Variants in THUMPD2 observed in about 807,000 individuals in gnomAD.
The protein encoded by THUMPD2 is THUMP domain 2 tRNA and snRNA guanosine methyltransferase.
A neutral mutation model predicts 49.4 loss-of-function variants in THUMPD2; 56 were observed. The observed-to-expected ratio is 1.13, with a 90% CI of 0.91 to 1.41. The LOEUF (loss-of-function observed/expected upper bound fraction) is 1.41, where lower values mean the gene tolerates loss of function less well. THUMPD2 is among the 40% of genes most tolerant of loss of function. The pLI, the probability that THUMPD2 is intolerant of heterozygous loss-of-function variation, is 0.00. For synonymous variants in THUMPD2, 237 were observed against 205.2 expected, an observed-to-expected ratio of 1.15 and a Z score of -1.32; for missense variants, 709 against 594.5, an observed-to-expected ratio of 1.19 and a Z score of -2.00.
At chr2:39,770,200 C>T in intron 2 of THUMPD2, 81 bp from the exon 3 acceptor site, 1 of 953,480 alleles carries the variant, frequency 1.0e-6, no homozygotes, top group Non-Finnish European at 1.4e-6. Context: ...AACTCAATTA[C>T]CTTTATTTCC....
At chr2:39,777,002 A>C (rs1679196156) in intron 1 of THUMPD2, among the ~76,000 whole-genome samples, 1 of 152,222 alleles carries the variant, frequency 6.6e-6, no homozygotes, top group Non-Finnish European at 1.5e-5. Flanking sequence ...TTCTTGAATT[A>C]ATCTGTTTTG....
At chr2:39,777,713 G>A (rs1236483968) in intron 1 of THUMPD2, among the ~76,000 whole-genome samples, 1 of 152,128 alleles carries the variant, frequency 6.6e-6, no homozygotes, top group Non-Finnish European at 1.5e-5. Context: ...ACATACAAGA[G>A]CAGAATATGG....
intron 6 of THUMPD2, among the ~76,000 whole-genome samples, chr2:39,757,940 A>G (rs1676352062): frequency 6.6e-6 from 1 of 152,200 alleles, no homozygotes; most frequent in African/African-American, 2.4e-5. Flanking sequence ...GGTCACTACC[A>G]CATTCCCTCC....
intron 1 of THUMPD2, among the ~76,000 whole-genome samples, chr2:39,776,360 C>T (rs1679091463): frequency 6.6e-6 from 1 of 151,080 alleles, no homozygotes; most frequent in Non-Finnish European, 1.5e-5. Context: ...GATAGAGGAA[C>T]ATGTTAAACT....
chr2:39,773,239 T>C (rs967849588), intron 1 of THUMPD2, among the ~76,000 whole-genome samples: 5 of 152,144 alleles, frequency 3.3e-5, no homozygotes, highest in Admixed American at 2.6e-4. Context: ...TCAGATTTTG[T>C]TACCTGACAT....
chr2:39,755,818 A>G, intron 7 of THUMPD2, 71 bp downstream of exon 7: 1 of 1,248,002 alleles, frequency 8.0e-7, no homozygotes, highest in South Asian at 1.3e-5. Context: ...ACTTGTAAAT[A>G]ATTGGTGATT....
At chr2:39,761,876 T>A (rs1416775671) in intron 5 of THUMPD2, among the ~76,000 whole-genome samples, 1 of 152,132 alleles carries the variant, frequency 6.6e-6, no homozygotes, top group Non-Finnish European at 1.5e-5. Context: ...TAGGTTTGTT[T>A]TTTGGTTATT....
At position 39,754,343 on chromosome 2, in the gene THUMPD2, C is replaced by A. The variant is rs76912254; in HGVS notation, c.1078+952G>T. Among the ~76,000 whole-genome samples, 683 of 152,302 alleles carry A rather than the reference C, an allele frequency of 4.5e-3. 6 individuals carry two copies. Among genetic ancestry groups the A allele is most frequent in the African/African-American group, 0.016 (650 of 41,570 alleles). On this transcript the variant is annotated intron_variant, in intron 8 of 9. Transcript: ENST00000505747. Reference sequence around the variant, plus strand: ...AAAAATAAAAGTCACTGGCAGCAAACAACTATGAGATCTCAATCAACAAGA... The same window carrying A: ...AAAAATAAAAGTCACTGGCAGCAAAAAACTATGAGATCTCAATCAACAAGA...
chr2:39,764,345 G>A (rs1677227627), intron 5 of THUMPD2, among the ~76,000 whole-genome samples: 1 of 152,188 alleles, frequency 6.6e-6, no homozygotes, highest in Admixed American at 6.5e-5. Context: ...TTATAGCAGA[G>A]AAATATGATA....
upstream of THUMPD2, chr2:39,779,275 G>T: frequency 6.9e-7 from 1 of 1,445,060 alleles, no homozygotes; most frequent in Non-Finnish European, 9.0e-7. Context: ...TTCGGGTCAC[G>T]TGGCCTCGGG....
intron 8 of THUMPD2, 41 bp downstream of exon 8, chr2:39,755,254 T>G: frequency 7.9e-7 from 1 of 1,265,270 alleles, no homozygotes; most frequent in Non-Finnish European, 1.1e-6. Flanking sequence ...TATATTTACA[T>G]TGTTCCTTTT....
At chr2:39,758,859 A>G (rs1355679954) in intron 6 of THUMPD2, among the ~76,000 whole-genome samples, 1 of 152,164 alleles carries the variant, frequency 6.6e-6, no homozygotes, top group East Asian at 1.9e-4. Flanking sequence ...ACACACACCC[A>G]GTAAAATAGA....
chr2:39,753,370 G>C (rs958910209), intron 8 of THUMPD2, among the ~76,000 whole-genome samples: 1 of 152,108 alleles, frequency 6.6e-6, no homozygotes, highest in Non-Finnish European at 1.5e-5. Flanking sequence ...ATCACCAGCT[G>C]TTCCTTTACC....
chr2:39,774,895 T>A (rs1258018322), intron 1 of THUMPD2, among the ~76,000 whole-genome samples: 1 of 152,192 alleles, frequency 6.6e-6, no homozygotes, highest in African/African-American at 2.4e-5. Flanking sequence ...CAGCCTTGAT[T>A]AATAACAGCT....
chr2:39,775,080 G>A (rs1274346863), intron 1 of THUMPD2, among the ~76,000 whole-genome samples: 1 of 152,142 alleles, frequency 6.6e-6, no homozygotes, highest in Non-Finnish European at 1.5e-5. Flanking sequence ...AGGAGTTTGA[G>A]ATCAGCCTGG....
At chr2:39,764,414 A>C (rs923917991) in intron 5 of THUMPD2, among the ~76,000 whole-genome samples, 2 of 152,242 alleles carry the variant, frequency 1.3e-5, no homozygotes, top group East Asian at 3.8e-4. Flanking sequence ...TCAAGTCCAC[A>C]GTTCTTATCT....
chr2:39,774,265 T>C (rs533615576), intron 1 of THUMPD2, among the ~76,000 whole-genome samples: 87 of 152,396 alleles, frequency 5.7e-4, no homozygotes, highest in Non-Finnish European at 8.8e-4. Context: ...TTTTTATCAA[T>C]CTTTCTTAAA....
intron 9 of THUMPD2, among the ~76,000 whole-genome samples, chr2:39,740,283 G>A (rs180709309): frequency 1.6e-4 from 24 of 152,238 alleles, no homozygotes; most frequent in South Asian, 4.2e-4. Context: ...TTGCATAATG[G>A]TACATACATA....
chr2:39,757,321 G>T, intron 6 of THUMPD2: 3 of 1,105,596 alleles, frequency 2.7e-6, no homozygotes, highest in Non-Finnish European at 3.7e-6. Flanking sequence ...TACAGAGGAA[G>T]CAGAGTCCTC....
Sources: gnomAD v4.1 joint callset for allele counts (sites outside exome capture counted in the v4.1 genomes callset) on GRCh38, gnomAD v4.1.1 for gene constraint, MANE v1.5 for transcripts, NCBI Gene and HGNC (gene_info 2026-07-23, HGNC 2026-07-21) for gene names.